The following NOL4L variants were observed in gnomAD, a reference collection of about 807,000 sequenced individuals.
NOL4L encodes the protein nucleolar protein 4 like, also known as nucleolar protein 4-like.
Under a neutral mutation model 64.5 loss-of-function variants are expected in NOL4L, and 7 were observed. That is an observed-to-expected ratio of 0.11 (90% CI 0.06 to 0.20). NOL4L has a LOEUF of 0.20. Among genes scored for constraint, NOL4L ranks in the 10% least tolerant of loss-of-function variants. The pLI is 1.00. For missense variants in NOL4L, 680 were observed against 967.1 expected, an observed-to-expected ratio of 0.70 and a Z score of 3.94; for synonymous variants, 413 against 401.0, an observed-to-expected ratio of 1.03 and a Z score of -0.36.
chr20:32,473,005 C>A (rs1329943106), intron 5 of NOL4L, among the ~76,000 whole-genome samples: 1 of 152,194 alleles, frequency 6.6e-6, no homozygotes, highest in Non-Finnish European at 1.5e-5. Flanking sequence ...ACCCCATGGA[C>A]CCCACAGAAA....
At chr20:32,534,776 G>A (rs1214697643) in intron 1 of NOL4L, among the ~76,000 whole-genome samples, 4 of 151,776 alleles carry the variant, frequency 2.6e-5, no homozygotes, top group Non-Finnish European at 5.9e-5. Flanking sequence ...AGGTACTCAG[G>A]AAGCTGAGGT....
intron 4 of NOL4L, among the ~76,000 whole-genome samples, chr20:32,504,286 C>T (rs889169672): frequency 2.2e-4 from 33 of 152,068 alleles, no homozygotes; most frequent in Admixed American, 5.9e-4. Context: ...AGAGGCCGGG[C>T]GTGGTGGCTC....
At chr20:32,491,501 G>C (rs1228651967) in intron 4 of NOL4L, among the ~76,000 whole-genome samples, 1 of 152,174 alleles carries the variant, frequency 6.6e-6, no homozygotes, top group Non-Finnish European at 1.5e-5. Context: ...TTCCGAACTG[G>C]GCCATTCGCT....
At chr20:32,496,525 T>C (rs564234796) in intron 4 of NOL4L, among the ~76,000 whole-genome samples, 2 of 152,094 alleles carry the variant, frequency 1.3e-5, no homozygotes, top group Non-Finnish European at 2.9e-5. Context: ...GAAATGATTT[T>C]TGAGTGAAGG....
In NOL4L at chr20:32,516,821, G is replaced by A. The variant is rs2017687195; in HGVS notation, c.589+3990C>T. 2.0e-5 allele frequency among the ~76,000 whole-genome samples: 3 copies of A among 152,364 alleles called. No homozygotes were observed. The South Asian group carries it at 6.2e-4, about 32-fold the overall frequency. On this transcript the variant is annotated intron_variant, in intron 3 of 10. Coordinates refer to ENST00000621426, the MANE Select transcript of NOL4L (RefSeq NM_001256798.2). ...GAGGAGTCTGGGCCTGGTTGTGAAG[G>A]GGTGGAGACCCAAGTGGACAACCTG... is the stretch of plus-strand genomic sequence containing the variant.
chr20:32,492,652 A>G (rs2016513878), intron 4 of NOL4L, among the ~76,000 whole-genome samples: 1 of 152,224 alleles, frequency 6.6e-6, no homozygotes, highest in African/African-American at 2.4e-5. Flanking sequence ...GCTGTAGTCG[A>G]TTACTGCAAC....
chr20:32,541,562 G>A (rs370718729), intron 1 of NOL4L, among the ~76,000 whole-genome samples: 3 of 152,280 alleles, frequency 2.0e-5, no homozygotes, highest in East Asian at 1.9e-4. Context: ...GGCCACAGCC[G>A]CCAGCAGGAG....
intron 1 of NOL4L, among the ~76,000 whole-genome samples, chr20:32,543,029 A>G (rs1010369558): frequency 8.5e-5 from 13 of 152,160 alleles, no homozygotes; most frequent in Non-Finnish European, 1.8e-4. Context: ...TCTTGCCTTG[A>G]GGAGCTCGCC....
intron 5 of NOL4L, among the ~76,000 whole-genome samples, chr20:32,457,303 G>A (rs2013634320): frequency 6.6e-6 from 1 of 152,220 alleles, no homozygotes; most frequent in African/African-American, 2.4e-5. Flanking sequence ...AAGCTGCACG[G>A]GAACTCCCGG....
intron 1 of NOL4L, among the ~76,000 whole-genome samples, chr20:32,544,416 G>T (rs1028477792): frequency 2.0e-4 from 30 of 152,238 alleles, no homozygotes; most frequent in African/African-American, 6.5e-4. Context: ...GGAGATAGCA[G>T]AAGAGAGGTG....
At chr20:32,541,863 T>A (rs564818141) in intron 1 of NOL4L, among the ~76,000 whole-genome samples, 7 of 152,230 alleles carry the variant, frequency 4.6e-5, no homozygotes, top group Non-Finnish European at 1.0e-4. Context: ...GGCTTTTCAA[T>A]GGGGGTTTTG....
chr20:32,493,933 C>G (rs1193399014), intron 4 of NOL4L, among the ~76,000 whole-genome samples: 1 of 152,192 alleles, frequency 6.6e-6, no homozygotes, highest in Non-Finnish European at 1.5e-5. Flanking sequence ...GACTAGGGCT[C>G]TCTTTCTTAC....
In NOL4L at chr20:32,584,657, G is replaced by C; in HGVS notation, c.234C>G (p.Phe78Leu). The C allele has an allele frequency of 6.5e-7, 1 of 1,547,038 alleles. No individual in the cohort carries two copies. The highest frequency in any genetic ancestry group is 8.7e-7 in the Non-Finnish European group (1 of 1,145,276). The change falls in exon 1 of 11, where the codon TTC becomes TTG. Residue 78 changes from phenylalanine to leucine, a missense_variant. By Grantham distance (22) the Phe-to-Leu change is conservative (BLOSUM62 0). Transcript: ENST00000621426. ...PAAGEKGKFQ[F>L]WVRSKGFRLG... ...GGCGGAAGCCCTTGGAGCGCACCCA[G>C]AACTGGAACTTGCCTTTCTCGCCGG...
intron 1 of NOL4L, among the ~76,000 whole-genome samples, chr20:32,541,048 C>CACACACACACA (rs1555806421): frequency 6.6e-6 from 1 of 150,454 alleles, no homozygotes; most frequent in Non-Finnish European, 1.5e-5. Flanking sequence ...CACACACACA[C>CACACACACACA]TATTCCCTCT....
At chr20:32,579,237 T>G (rs146366110) in intron 1 of NOL4L, among the ~76,000 whole-genome samples, 1 of 152,284 alleles carries the variant, frequency 6.6e-6, no homozygotes, top group East Asian at 1.9e-4. Context: ...TCTCCACCTG[T>G]GCCCTGCACA....
chr20:32,493,758 C>T (rs1278430068), intron 4 of NOL4L, among the ~76,000 whole-genome samples: 3 of 152,212 alleles, frequency 2.0e-5, no homozygotes, highest in Admixed American at 1.3e-4. Flanking sequence ...GGTCCAGGTG[C>T]AGGGACTGCA....
In NOL4L at chr20:32,453,409, G is replaced by A. The variant is rs372788532; in HGVS notation, c.1392C>T (p.Ile464=). ...KQPKEKIQAI[I]ESCSRQFPEF... is the part of the protein sequence containing the mutation. Reference sequence around the variant, plus strand: ...CAGGGAACTGCCGGCTGCAGGACTCGATGATGGCCTGGATCTTCTCCTTGG... The same window carrying A: ...CAGGGAACTGCCGGCTGCAGGACTCAATGATGGCCTGGATCTTCTCCTTGG... Residue 464 remains isoleucine (I), a synonymous_variant, in exon 8 of 11, where the codon ATC becomes ATT. Transcript: ENST00000621426. This position sits in a 1 kb window ranked among gnomAD's most constrained non-coding sequence, Gnocchi z 5.6. 24 of 1,613,978 alleles carry A rather than the reference G, an allele frequency of 1.5e-5. No individual in the cohort carries two copies. In the African/African-American group the frequency reaches 1.7e-4, roughly 12 times the overall value.
intron 1 of NOL4L, among the ~76,000 whole-genome samples, chr20:32,568,879 G>A (rs962072589): frequency 6.6e-6 from 1 of 152,146 alleles, no homozygotes; most frequent in Non-Finnish European, 1.5e-5. Flanking sequence ...TTGTGTGGGG[G>A]ACCCTGGCCA....
chr20:32,448,552 G>A, intron 10 of NOL4L, among the ~76,000 whole-genome samples: 1 of 152,332 alleles, frequency 6.6e-6, no homozygotes, highest in African/African-American at 2.4e-5. Flanking sequence ...TTTCTGCTAA[G>A]CCTCAAGCAC....
Sources: gnomAD v4.1 joint callset for allele counts (sites outside exome capture counted in the v4.1 genomes callset) on GRCh38, gnomAD v4.1.1 for gene constraint, Gnocchi (gnomAD v3.1) non-coding constraint, MANE v1.5 for transcripts, NCBI Gene and HGNC (gene_info 2026-07-23, HGNC 2026-07-21) for gene names.